KCNG4: variants seen among roughly 807,000 people sequenced by gnomAD.
The protein encoded by KCNG4 is voltage-gated potassium channel regulatory subunit KCNG4.
KCNG4 carries 30 observed loss-of-function variants against 28.2 expected under a neutral mutation model. That is an observed-to-expected ratio of 1.06 (90% CI 0.80 to 1.44). The LOEUF (loss-of-function observed/expected upper bound fraction) is 1.44, where lower values mean the gene tolerates loss of function less well. KCNG4 is among the 40% of genes most tolerant of loss of function. The pLI is 0.00. For missense variants in KCNG4, 879 were observed against 712.3 expected, an observed-to-expected ratio of 1.23 and a Z score of -2.66; for synonymous variants, 375 against 315.5, an observed-to-expected ratio of 1.19 and a Z score of -2.00.
At chr16:84,233,948 A>G (rs1904882555) in intron 2 of KCNG4, among the ~76,000 whole-genome samples, 1 of 152,134 alleles carries the variant, frequency 6.6e-6, no homozygotes. Context: ...CCTCATCTGT[A>G]AAATGGGGGT....
Position 84,237,090 on chromosome 16 carries a change from C to T in KCNG4, c.396G>A (p.Leu132=), listed in dbSNP as rs1403637130. The change falls in exon 2 of 3, where the codon CTG becomes CTA. Residue 132 remains leucine, a synonymous_variant. Coordinates refer to ENST00000308251, the MANE Select transcript of KCNG4 (RefSeq NM_172347.3). ...VIVSFLAAGK[L]VLLQEMCALS... is the part of the protein sequence containing the mutation. ...GCGCGCACATCTCCTGCAGAAGCAC[C>T]AGCTTCCCGGCCGCCAGGAAGCTCA... The T allele has an allele frequency of 6.2e-7, 1 of 1,614,006 alleles. No homozygotes were observed.
chr16:84,233,127 G>A (rs371045846), intron 2 of KCNG4, among the ~76,000 whole-genome samples: 10 of 152,114 alleles, frequency 6.6e-5, no homozygotes, highest in African/African-American at 2.2e-4. Context: ...GAGCACCTCC[G>A]TGTTTCGGCC....
intron 1 of KCNG4, among the ~76,000 whole-genome samples, 199 bp downstream of exon 1, chr16:84,239,471 C>G (rs1905050210): frequency 6.6e-6 from 1 of 152,224 alleles, no homozygotes; most frequent in South Asian, 2.1e-4. Context: ...TGAAAACTGC[C>G]CTTTCTGCAT....
intron 1 of KCNG4, 54 bp from the exon 2 acceptor site, chr16:84,237,579 C>G: frequency 7.7e-7 from 1 of 1,301,442 alleles, no homozygotes; most frequent in Non-Finnish European, 1.0e-6. Context: ...AGTCTTGGGG[C>G]AAAGAGTCCT....
intron 2 of KCNG4, among the ~76,000 whole-genome samples, chr16:84,231,969 A>C (rs1211246420): frequency 6.9e-6 from 1 of 145,776 alleles, no homozygotes; most frequent in Admixed American, 7.3e-5. Context: ...ACACCACTGC[A>C]CTCCAACCTG....
chr16:84,239,919 ATTT>A lies in KCNG4; in HGVS notation c.-293_-291del, dbSNP rs57294981. ...GAGAGCCCTGGGGGATTGAGGTGGG[ATTT>A]TTTTTTTTTTTTAAAGGACCCAGAA... On this transcript the variant is annotated 5_prime_UTR_variant, in exon 1 of 3. Transcript: ENST00000308251. Among the ~76,000 whole-genome samples the A allele has an allele frequency of 0.77, 114,773 of 148,648 alleles. 44,317 individuals carry two copies. The highest frequency in any genetic ancestry group is 0.93 in the East Asian group (4,685 of 5,020).
At position 84,226,557 on chromosome 16, in the gene KCNG4, G is replaced by C. The variant is rs1208282631; in HGVS notation, c.757-3537C>G. The stretch of plus-strand genomic sequence containing the variant: ...ATGATTATAAGTGATCTGAGGTGGA[G>C]AGGGGATGGAAAGAGAGGAAACAAG... On this transcript the variant is annotated intron_variant, in intron 2 of 2. Coordinates refer to ENST00000308251, the MANE Select transcript of KCNG4 (RefSeq NM_172347.3). This position sits in a 1 kb window ranked among gnomAD's most constrained non-coding sequence, Gnocchi z 4.1. Among the ~76,000 whole-genome samples the C allele has an allele frequency of 6.6e-6, 1 of 152,030 alleles. No individual in the cohort carries two copies. The highest frequency in any genetic ancestry group is 1.5e-5 in the Non-Finnish European group (1 of 67,982).
intron 1 of KCNG4, among the ~76,000 whole-genome samples, chr16:84,238,402 A>G (rs997107378): frequency 3.9e-5 from 6 of 152,230 alleles, no homozygotes; most frequent in Admixed American, 3.9e-4. Context: ...AGTCTCGCTT[A>G]ATCCCTCTTG....
chr16:84,231,264 G>C (rs1009120577), intron 2 of KCNG4, among the ~76,000 whole-genome samples: 25 of 152,240 alleles, frequency 1.6e-4, no homozygotes, highest in African/African-American at 5.5e-4. Flanking sequence ...ACTTGTCCAA[G>C]GGCAGAGCCA....
In KCNG4 at chr16:84,222,688, G is replaced by A. The variant is rs781250021; in HGVS notation, c.1089C>T (p.Thr363=). The A allele has an allele frequency of 2.4e-5, 39 of 1,612,964 alleles. No individual in the cohort carries two copies. Among genetic ancestry groups the A allele is most frequent in the Admixed American group, 8.3e-5 (5 of 59,948 alleles). Residue 363 remains threonine (T), a synonymous_variant, in exon 3 of 3, where the codon ACC becomes ACT. Coordinates refer to ENST00000308251, the MANE Select transcript of KCNG4 (RefSeq NM_172347.3). ...CGAACTCACGTGTGCAACGGCGCAC[G>A]GTGAGCCCCAGCGTCTGCAGCCCCA... is the stretch of plus-strand genomic sequence containing the variant. ...HSLGLQTLGL[T]VRRCTREFGL...
rs894633583 is a variant in KCNG4 at position 84,221,984 on chromosome 16, A to G, written c.*233T>C. The stretch of plus-strand genomic sequence containing the variant: ...CAGCAAGATTGGACATGCTCAGTAG[A>G]TGGGCAGAGAGAGGAAAAGGCAAGC... On this transcript the variant is annotated 3_prime_UTR_variant, in exon 3 of 3. Coordinates refer to ENST00000308251, the MANE Select transcript of KCNG4 (RefSeq NM_172347.3). 1 of 563,140 alleles carries G rather than the reference A, an allele frequency of 1.8e-6. No individual in the cohort carries two copies. The highest frequency in any genetic ancestry group is 1.9e-5 in the African/African-American group (1 of 53,006). 34.9% of individuals were successfully genotyped at this position (563,140 alleles called of 1,614,324 possible).
chr16:84,223,241 T>C (rs1342903364), intron 2 of KCNG4, among the ~76,000 whole-genome samples: 1 of 152,102 alleles, frequency 6.6e-6, no homozygotes, highest in Non-Finnish European at 1.5e-5. Flanking sequence ...TGGCCAAATA[T>C]GACTAAGTCC....
Position 84,222,221 on chromosome 16 carries a change from A to T in KCNG4, c.1556T>A (p.Met519Lys). ...LEGPALPIMH[M>K] ...GTAGTCATGGGGGGTGCTGAGTTAC[A>T]TGTGCATGATAGGCAAGGCTGGGCC... The change falls in exon 3 of 3, where the codon ATG becomes AAG. Residue 519 changes from methionine to lysine, a missense_variant. By Grantham distance (95) the Met-to-Lys change is moderately conservative (BLOSUM62 -1). Coordinates refer to ENST00000308251, the MANE Select transcript of KCNG4 (RefSeq NM_172347.3). 2 of 1,613,922 alleles carry T rather than the reference A, an allele frequency of 1.2e-6. No homozygotes were observed. Among genetic ancestry groups the T allele is most frequent in the Middle Eastern group, 1.7e-4 (1 of 6,058 alleles).
In KCNG4 at chr16:84,222,012, G is replaced by T. The variant is rs1016310693; in HGVS notation, c.*205C>A. The stretch of plus-strand genomic sequence containing the variant: ...GGCAGAGAGAGGAAAAGGCAAGCAG[G>T]CTGGACACAGTCAGCCTGGGACATC... On this transcript the variant is annotated 3_prime_UTR_variant, in exon 3 of 3. Coordinates refer to ENST00000308251, the MANE Select transcript of KCNG4 (RefSeq NM_172347.3). 1.0e-5 allele frequency: 6 copies of T among 602,624 alleles called. No individual in the cohort carries two copies. The highest frequency in any genetic ancestry group is 1.8e-5 in the Non-Finnish European group (6 of 339,288). The allele number at this position is 602,624 out of a possible 1,614,324, so 37.3% of individuals were successfully genotyped here.
intron 2 of KCNG4, among the ~76,000 whole-genome samples, chr16:84,232,896 C>A (rs866438264): frequency 1.9e-3 from 206 of 107,868 alleles, no homozygotes; most frequent in East Asian, 2.9e-3. Flanking sequence ...GAAACCCTAT[C>A]AAAAAAAAAA....
chr16:84,226,092 C>G lies in KCNG4; in HGVS notation c.757-3072G>C, dbSNP rs1469617514. Among the ~76,000 whole-genome samples, 1 of 152,240 alleles carries G rather than the reference C, an allele frequency of 6.6e-6. No homozygotes were observed. The highest frequency in any genetic ancestry group is 2.4e-5 in the African/African-American group (1 of 41,456). On this transcript the variant is annotated intron_variant, in intron 2 of 2. Coordinates refer to ENST00000308251, the MANE Select transcript of KCNG4 (RefSeq NM_172347.3). The surrounding 1 kb of genome is among the most constrained non-coding windows in gnomAD (Gnocchi z 4.1). Reference sequence around the variant, plus strand: ...AGGAACCCCCTGGGCCCTGGGCACACCGGGATGGTTGGTCACCCTATTCCT... The same window carrying G: ...AGGAACCCCCTGGGCCCTGGGCACAGCGGGATGGTTGGTCACCCTATTCCT...
Position 84,237,402 on chromosome 16 carries a change from G to T in KCNG4, c.84C>A (p.Ser28=). Residue 28 remains serine, a synonymous_variant, in exon 2 of 3, where the codon TCC becomes TCA. Transcript: ENST00000308251. ...TGATGGACGGCGTCTCCATGGGGCT[G>T]GACAGGAGCTGACTCCAAGGGCTGT... is the stretch of plus-strand genomic sequence containing the variant. ...GSHSPWSQLL[S]SPMETPSIKG... is the part of the protein sequence containing the mutation. The T allele has an allele frequency of 6.6e-7, 1 of 1,523,948 alleles. No individual in the cohort carries two copies. The highest frequency in any genetic ancestry group is 1.4e-5 in the African/African-American group (1 of 71,994). 94.4% of individuals were successfully genotyped at this position (1,523,948 alleles called of 1,614,324 possible).
chr16:84,224,307 A>G (rs1904646914), intron 2 of KCNG4, among the ~76,000 whole-genome samples: 2 of 152,002 alleles, frequency 1.3e-5, no homozygotes, highest in African/African-American at 2.4e-5. Flanking sequence ...ATTCTAATTT[A>G]ATTAATGTAG....
Position 84,222,001 on chromosome 16 carries a change from A to G in KCNG4, c.*216T>C. 1 of 581,228 alleles carries G rather than the reference A, an allele frequency of 1.7e-6. No individual in the cohort carries two copies. The highest frequency in any genetic ancestry group is 3.1e-6 in the Non-Finnish European group (1 of 327,164). 36.0% of individuals were successfully genotyped at this position (581,228 alleles called of 1,614,324 possible). On this transcript the variant is annotated 3_prime_UTR_variant, in exon 3 of 3. Coordinates refer to ENST00000308251, the MANE Select transcript of KCNG4 (RefSeq NM_172347.3). ...CTCAGTAGATGGGCAGAGAGAGGAA[A>G]AGGCAAGCAGGCTGGACACAGTCAG...
Sources: gnomAD v4.1 joint callset for allele counts (sites outside exome capture counted in the v4.1 genomes callset) on GRCh38, gnomAD v4.1.1 for gene constraint, Gnocchi (gnomAD v3.1) non-coding constraint, MANE v1.5 for transcripts, NCBI Gene and HGNC (gene_info 2026-07-23, HGNC 2026-07-21) for gene names.